Variants in SOX6 observed in about 807,000 individuals in gnomAD.
SOX6 encodes the protein SRY-box transcription factor 6, also known as transcription factor SOX-6.
A neutral mutation model predicts 97.8 loss-of-function variants in SOX6; 11 were observed. The ratio of observed to expected loss-of-function variants is 0.11; its 90% confidence interval spans 0.07 to 0.19. The LOEUF (loss-of-function observed/expected upper bound fraction) is 0.19. Ranked by LOEUF, SOX6 falls within the 10% of genes least tolerant of loss-of-function variation. The pLI, the probability that SOX6 is intolerant of heterozygous loss-of-function variation, is 1.00. For missense variants in SOX6, 810 were observed against 1,039.5 expected (o/e 0.78, Z 3.04); for synonymous variants, 360 against 371.4 (o/e 0.97, Z 0.35).
chr11:16,147,507 A>T (rs1450314914), intron 6 of SOX6, among the ~76,000 whole-genome samples: 1 of 151,974 alleles, frequency 6.6e-6, no homozygotes, highest in Non-Finnish European at 1.5e-5. Flanking sequence ...ATAATAATAA[A>T]AAAAAATAAA....
intron 2 of SOX6, among the ~76,000 whole-genome samples, chr11:16,727,283 C>T (rs973275429): frequency 2.9e-4 from 40 of 137,522 alleles, no homozygotes; most frequent in African/African-American, 1.0e-3. Flanking sequence ...ATGCTATATT[C>T]ACCTTGCTTT....
chr11:16,035,921 A>C (rs1308921935), intron 12 of SOX6, among the ~76,000 whole-genome samples: 5 of 152,164 alleles, frequency 3.3e-5, no homozygotes, highest in Non-Finnish European at 7.3e-5. Flanking sequence ...TCTGGAAAGC[A>C]CACAGGACTG....
At chr11:16,526,555 GC>G (rs1861169110) in intron 4 of SOX6, among the ~76,000 whole-genome samples, 2 of 151,912 alleles carry the variant, frequency 1.3e-5, no homozygotes, top group African/African-American at 4.8e-5. Context: ...AATTGGTGCA[GC>G]ACACCAGCAT....
chr11:16,647,118 G>C (rs1328202564), intron 3 of SOX6, among the ~76,000 whole-genome samples: 1 of 152,052 alleles, frequency 6.6e-6, no homozygotes, highest in Non-Finnish European at 1.5e-5. Flanking sequence ...GTTTTGATTT[G>C]CATTTGTGGA....
chr11:16,186,992 G>T (rs770937198), intron 4 of SOX6, 37 bp from the exon 5 acceptor site: 6 of 1,610,938 alleles, frequency 3.7e-6, no homozygotes, highest in Non-Finnish European at 5.1e-6. Context: ...ACAAGCTTGA[G>T]AAATACCTGG....
At chr11:16,531,139 G>T (rs1189004240) in intron 4 of SOX6, among the ~76,000 whole-genome samples, 1 of 150,620 alleles carries the variant, frequency 6.6e-6, no homozygotes, top group Non-Finnish European at 1.5e-5. Context: ...AAGGGAAAGA[G>T]AAGAGAATGT....
intron 7 of SOX6, among the ~76,000 whole-genome samples, chr11:16,101,117 T>C (rs1385220568): frequency 2.0e-5 from 3 of 151,700 alleles, no homozygotes; most frequent in Non-Finnish European, 4.4e-5. Flanking sequence ...CCATTCTTGT[T>C]ACAATATGAA....
At chr11:16,518,337 C>T (rs771117469) in intron 4 of SOX6, among the ~76,000 whole-genome samples, 1 of 152,166 alleles carries the variant, frequency 6.6e-6, no homozygotes, top group Non-Finnish European at 1.5e-5. Flanking sequence ...ATACAAAATG[C>T]TACTTCCTCC....
At position 15,969,033 on chromosome 11, in the gene SOX6, T is replaced by TA. The variant is rs1362597504; in HGVS notation, c.*3775_*3776insT. On this transcript the variant is annotated 3_prime_UTR_variant, in exon 16 of 16. Coordinates refer to ENST00000683767, the MANE Select transcript of SOX6 (RefSeq NM_001367873.1). ...TCTCTCCCTTCCTACTTTTTTCCTTTCTTCCTTCTTTTCTCCTTTTCCTTC... is the reference window on the plus strand; with the variant it reads ...TCTCTCCCTTCCTACTTTTTTCCTTTACTTCCTTCTTTTCTCCTTTTCCTTC... The TA allele has an allele frequency of 6.6e-6, 1 of 151,888 alleles. No individual in the cohort carries two copies. The highest frequency in any genetic ancestry group is 1.5e-5 in the Non-Finnish European group (1 of 67,978). 9.4% of individuals were successfully genotyped at this position (151,888 alleles called of 1,614,324 possible). A position where few individuals can be genotyped will look rare whatever the true frequency, so the allele number is the denominator to read the frequency against.
At chr11:16,035,217 G>A (rs889721747) in intron 12 of SOX6, among the ~76,000 whole-genome samples, 22 of 152,150 alleles carry the variant, frequency 1.4e-4, no homozygotes, top group Admixed American at 2.6e-4. Flanking sequence ...GGATAGGTTT[G>A]GGGGAAGAAG....
At chr11:16,402,883 T>C (rs560307623) in intron 1 of SOX6, 2 of 1,518,484 alleles carry the variant, frequency 1.3e-6, no homozygotes, top group Admixed American at 4.0e-5. Flanking sequence ...TACACTCAGT[T>C]GGGCTGAATT....
chr11:16,732,258 A>G (rs1268488718), intron 2 of SOX6, among the ~76,000 whole-genome samples: 1 of 152,226 alleles, frequency 6.6e-6, no homozygotes, highest in African/African-American at 2.4e-5. Flanking sequence ...TATGGAAACA[A>G]AAAAGAGCCC....
At chr11:16,706,134 A>G (rs1043301585) in intron 3 of SOX6, among the ~76,000 whole-genome samples, 5 of 151,828 alleles carry the variant, frequency 3.3e-5, no homozygotes, top group African/African-American at 1.2e-4. Context: ...GTGTCCGTTT[A>G]TGCTATAAGA....
intron 1 of SOX6, among the ~76,000 whole-genome samples, chr11:16,417,620 A>C (rs1858949905): frequency 6.6e-6 from 1 of 152,194 alleles, no homozygotes; most frequent in South Asian, 2.1e-4. Flanking sequence ...CAGCAACTTA[A>C]TTTGGAAAAA....
chr11:16,259,236 A>T (rs1853796459), intron 3 of SOX6, among the ~76,000 whole-genome samples: 1 of 152,006 alleles, frequency 6.6e-6, no homozygotes, highest in African/African-American at 2.4e-5. Context: ...CAGGGTGTTT[A>T]CATACATCCA....
intron 12 of SOX6, among the ~76,000 whole-genome samples, chr11:16,038,048 ACAAATAATAGAAAT>A (rs1306529845): frequency 3.1e-4 from 47 of 152,204 alleles, no homozygotes; most frequent in Admixed American, 2.9e-3. Flanking sequence ...AAATAACAAT[ACAAATAATAGAAAT>A]AAAAAGAATG....
At chr11:16,257,260 TGAA>T (rs1404549104) in intron 3 of SOX6, among the ~76,000 whole-genome samples, 3 of 151,806 alleles carry the variant, frequency 2.0e-5, no homozygotes, top group Non-Finnish European at 4.4e-5. Context: ...AACTTACTAT[TGAA>T]GAAGAACAGC....
intron 2 of SOX6, among the ~76,000 whole-genome samples, chr11:16,330,383 G>A (rs1856250921): frequency 6.6e-6 from 1 of 152,034 alleles, no homozygotes; most frequent in South Asian, 2.1e-4. Context: ...GTGAAACCCC[G>A]TCTCCACCAA....
intron 1 of SOX6, among the ~76,000 whole-genome samples, chr11:16,395,403 G>A (rs748416376): frequency 6.6e-6 from 1 of 151,842 alleles, no homozygotes; most frequent in East Asian, 1.9e-4. Context: ...GGGACCTGAA[G>A]AATGAATAGG....
Sources: allele counts gnomAD v4.1 joint callset (sites outside exome capture counted in the v4.1 genomes callset), GRCh38; gene constraint gnomAD v4.1.1; transcripts MANE v1.5; gene names NCBI Gene and HGNC (gene_info 2026-07-23, HGNC 2026-07-21).